The following CBLN2 variants were observed in gnomAD, a reference collection of about 807,000 sequenced individuals.
The protein encoded by CBLN2 is cerebellin-2.
In CBLN2, 7 loss-of-function variants were observed where a neutral mutation model predicts 15.0. The ratio of observed to expected loss-of-function variants is 0.47; its 90% CI spans 0.27 to 0.88. The LOEUF is 0.88. Among genes scored for constraint, CBLN2 ranks in the 40% least tolerant of loss-of-function variants. The probability of loss-of-function intolerance (pLI) is 0.14; values close to 1 mark genes in which losing one functional copy is unlikely to be tolerated. For synonymous variants in CBLN2, 149 were observed against 135.2 expected (o/e 1.10, Z -0.71); for missense variants, 242 against 304.5 (o/e 0.79, Z 1.53).
At chr18:72,591,394 A>G (rs1021671309) in intron 1 of CBLN2, among the ~76,000 whole-genome samples, 1 of 152,166 alleles carries the variant, frequency 6.6e-6, no homozygotes, top group African/African-American at 2.4e-5. Context: ...GTATATATTT[A>G]TGGTATACAC....
intron 1 of CBLN2, chr18:72,620,251 C>G (rs1039400405): frequency 6.6e-6 from 1 of 152,242 alleles, no homozygotes; most frequent in African/African-American, 2.4e-5. Context: ...AGTGTGACAG[C>G]CTTTTTTTTT....
chr18:72,628,675 A>T (rs11878143), intron 1 of CBLN2, among the ~76,000 whole-genome samples: 30,613 of 152,170 alleles, frequency 0.2, 4,639 homozygotes, highest in African/African-American at 0.43. Context: ...TCCTTCATTG[A>T]AGGGGGAACT....
chr18:72,601,866 G>T (rs923427718), intron 1 of CBLN2, among the ~76,000 whole-genome samples: 5 of 152,196 alleles, frequency 3.3e-5, no homozygotes, highest in African/African-American at 1.2e-4. Context: ...AGCTGCTTCT[G>T]TTCCATTCCT....
At chr18:72,595,607 T>C (rs2144935904) in intron 1 of CBLN2, among the ~76,000 whole-genome samples, 1 of 152,302 alleles carries the variant, frequency 6.6e-6, no homozygotes, top group Non-Finnish European at 1.5e-5. Context: ...TGTCCAATGC[T>C]GAAAGTGGAA....
chr18:72,551,097 C>T (rs1420986844), intron 1 of CBLN2, among the ~76,000 whole-genome samples: 2 of 151,938 alleles, frequency 1.3e-5, no homozygotes, highest in South Asian at 2.1e-4. Flanking sequence ...TTCAACACAT[C>T]TAGTATAGCA....
intron 1 of CBLN2, among the ~76,000 whole-genome samples, chr18:72,602,149 A>T (rs1012306468): frequency 6.6e-6 from 1 of 152,160 alleles, no homozygotes; most frequent in African/African-American, 2.4e-5. Flanking sequence ...GTCCCCCCAG[A>T]AGTGGTGCTA....
chr18:72,568,567 CTAAA>C (rs2069311441), intron 1 of CBLN2, among the ~76,000 whole-genome samples: 1 of 151,390 alleles, frequency 6.6e-6, no homozygotes, highest in Non-Finnish European at 1.5e-5. Flanking sequence ...ACTAAAAAAA[CTAAA>C]ATAAAAAATA....
chr18:72,566,824 A>G (rs898545469), intron 1 of CBLN2, among the ~76,000 whole-genome samples: 15 of 151,704 alleles, frequency 9.9e-5, no homozygotes, highest in East Asian at 1.9e-4. Flanking sequence ...TGTTGTTGTT[A>G]TTATTATTAT....
At chr18:72,542,653 G>A (rs1039362179) in intron 2 of CBLN2, among the ~76,000 whole-genome samples, 58 of 152,170 alleles carry the variant, frequency 3.8e-4, no homozygotes, top group Non-Finnish European at 7.2e-4. Context: ...CCAGCGCGGA[G>A]GGGGCTAAGA....
At chr18:72,613,256 G>A (rs2069634947) in intron 1 of CBLN2, among the ~76,000 whole-genome samples, 1 of 152,106 alleles carries the variant, frequency 6.6e-6, no homozygotes, top group East Asian at 1.9e-4. Context: ...ATTTAAGGGG[G>A]GCAAATAATA....
intron 1 of CBLN2, chr18:72,619,157 A>C (rs536947518): frequency 1.3e-6 from 1 of 764,396 alleles, no homozygotes; most frequent in African/African-American, 1.7e-5. Flanking sequence ...TTGCCAAACC[A>C]CAAAACCAAG....
At chr18:72,601,297 T>C (rs1666784973) in intron 1 of CBLN2, among the ~76,000 whole-genome samples, 1 of 152,176 alleles carries the variant, frequency 6.6e-6, no homozygotes, top group Non-Finnish European at 1.5e-5. Context: ...CTATGTCAGA[T>C]TACTCTTACT....
chr18:72,615,206 A>G (rs987640073), intron 1 of CBLN2, among the ~76,000 whole-genome samples: 1 of 137,058 alleles, frequency 7.3e-6, no homozygotes, highest in African/African-American at 2.7e-5. Flanking sequence ...ATATATTTAT[A>G]TATGTGTATA....
At chr18:72,574,399 A>C (rs2069351573) in intron 1 of CBLN2, among the ~76,000 whole-genome samples, 1 of 152,176 alleles carries the variant, frequency 6.6e-6, no homozygotes. Context: ...GGTTTAGGCA[A>C]CTGTTCTGAA....
At chr18:72,574,217 T>C (rs2069350230) in intron 1 of CBLN2, among the ~76,000 whole-genome samples, 1 of 152,366 alleles carries the variant, frequency 6.6e-6, no homozygotes, top group East Asian at 1.9e-4. Flanking sequence ...GCAAATATTT[T>C]CTTTCAATCT....
At chr18:72,554,736 G>T (rs1353886223) in intron 1 of CBLN2, among the ~76,000 whole-genome samples, 1 of 151,912 alleles carries the variant, frequency 6.6e-6, no homozygotes, top group African/African-American at 2.4e-5. Context: ...TTCAGGCAAA[G>T]TCCTCAATAA....
At chr18:72,549,169 G>A (rs1425264387), upstream of CBLN2, among the ~76,000 whole-genome samples, 2 of 152,102 alleles carry the variant, frequency 1.3e-5, no homozygotes, top group African/African-American at 4.8e-5. Flanking sequence ...GCACCACCAT[G>A]CTTGGCTAAT....
At chr18:72,637,175 T>C (rs1288586625) in intron 1 of CBLN2, among the ~76,000 whole-genome samples, 1 of 152,172 alleles carries the variant, frequency 6.6e-6, no homozygotes, top group African/African-American at 2.4e-5. Flanking sequence ...ACAATTGTAT[T>C]GTATTTTCCG....
At chr18:72,571,640 T>C (rs2069332798) in intron 1 of CBLN2, among the ~76,000 whole-genome samples, 1 of 152,212 alleles carries the variant, frequency 6.6e-6, no homozygotes, top group Non-Finnish European at 1.5e-5. Flanking sequence ...ACTACTTGTG[T>C]CCACCACTGT....
Sources: allele counts gnomAD v4.1 joint callset (sites outside exome capture counted in the v4.1 genomes callset), GRCh38; gene constraint gnomAD v4.1.1; transcripts MANE v1.5; gene names NCBI Gene and HGNC (gene_info 2026-07-23, HGNC 2026-07-21).